The following PDE8B variants were observed in gnomAD, a reference collection of about 807,000 sequenced individuals.
PDE8B encodes phosphodiesterase 8B.
PDE8B carries 26 observed loss-of-function variants against 101.3 expected under a neutral mutation model. The observed-to-expected ratio is 0.26, with a 90% CI of 0.19 to 0.36. The LOEUF (loss-of-function observed/expected upper bound fraction) is 0.36. Ranked by LOEUF, PDE8B falls within the 10% of genes least tolerant of loss-of-function variation. The pLI is 1.00. For synonymous variants in PDE8B, 424 were observed against 429.3 expected, an observed-to-expected ratio of 0.99 and a Z score of 0.15; for missense variants, 810 against 1,163.1, an observed-to-expected ratio of 0.70 and a Z score of 4.42.
chr5:77,275,932 T>A (rs1268653281), intron 1 of PDE8B, among the ~76,000 whole-genome samples: 1 of 152,248 alleles, frequency 6.6e-6, no homozygotes, highest in Non-Finnish European at 1.5e-5. Context: ...ATATCTATAC[T>A]GTTGTGCTCT....
intron 20 of PDE8B, among the ~76,000 whole-genome samples, chr5:77,422,336 C>T (rs951039874): frequency 1.3e-5 from 2 of 152,312 alleles, no homozygotes; most frequent in Non-Finnish European, 2.9e-5. Context: ...TATGGGAACA[C>T]AGGCATTAGT....
chr5:77,402,958 T>A (rs1174160960), intron 11 of PDE8B, among the ~76,000 whole-genome samples: 1 of 152,216 alleles, frequency 6.6e-6, no homozygotes, highest in Non-Finnish European at 1.5e-5. Flanking sequence ...ATTCTTGGAA[T>A]ATGATCACTT....
At position 77,226,310 on chromosome 5, in the gene PDE8B, T is replaced by C. The variant is rs540659934; in HGVS notation, c.339+15046T>C. 4.6e-5 allele frequency among the ~76,000 whole-genome samples: 7 copies of C among 152,370 alleles called. No individual in the cohort carries two copies. In the East Asian group the frequency reaches 1.3e-3, roughly 29 times the overall value. On this transcript the variant is annotated intron_variant, in intron 1 of 21. Coordinates refer to ENST00000264917, the MANE Select transcript of PDE8B (RefSeq NM_003719.5). ...ATGCATTTCATACCATTGTTTAAAA[T>C]ACACATTAACATATGTTCTGCAGAA... is the stretch of plus-strand genomic sequence containing the variant.
At chr5:77,409,591 G>A (rs1009458932) in intron 14 of PDE8B, among the ~76,000 whole-genome samples, 1 of 152,134 alleles carries the variant, frequency 6.6e-6, no homozygotes, top group African/African-American at 2.4e-5. Context: ...ACCTCTCACT[G>A]CCACATTCCA....
the PDE8B span, among the ~76,000 whole-genome samples, chr5:77,174,408 T>C: frequency 2.4e-4 from 37 of 152,188 alleles, no homozygotes; most frequent in Non-Finnish European, 4.9e-4. Flanking sequence ...TTTCCTTTTT[T>C]TTCCATCCCC....
intron 16 of PDE8B, 84 bp from the exon 17 acceptor site, chr5:77,413,027 G>A: frequency 9.2e-7 from 1 of 1,091,516 alleles, no homozygotes; most frequent in South Asian, 1.3e-5. Flanking sequence ...GAAGAAAAAT[G>A]CTTCCATGCC....
chr5:77,274,074 G>A (rs577210102), intron 1 of PDE8B, among the ~76,000 whole-genome samples: 4 of 152,152 alleles, frequency 2.6e-5, no homozygotes, highest in East Asian at 1.9e-4. Context: ...TGCCTGCCTC[G>A]GCCTCCCAAC....
intron 5 of PDE8B, among the ~76,000 whole-genome samples, chr5:77,337,015 A>G (rs1211262467): frequency 6.6e-6 from 1 of 152,192 alleles, no homozygotes; most frequent in Non-Finnish European, 1.5e-5. Flanking sequence ...GTTATGCAGG[A>G]AGTGAAGTGT....
chr5:77,322,121 A>G (rs1270787204), intron 2 of PDE8B, among the ~76,000 whole-genome samples: 1 of 152,086 alleles, frequency 6.6e-6, no homozygotes, highest in African/African-American at 2.4e-5. Flanking sequence ...GGTCTGGGAC[A>G]TATTGGTGGT....
chr5:77,389,661 G>GC (rs2150904584), intron 10 of PDE8B, among the ~76,000 whole-genome samples: 1 of 152,100 alleles, frequency 6.6e-6, no homozygotes, highest in East Asian at 1.9e-4. Context: ...CATCCTGCTC[G>GC]CCCCCAGAGG....
chr5:77,390,711 A>G (rs937962082), intron 10 of PDE8B, among the ~76,000 whole-genome samples: 1 of 152,214 alleles, frequency 6.6e-6, no homozygotes, highest in Non-Finnish European at 1.5e-5. Flanking sequence ...GATGTCCCGC[A>G]CTAATGCAGG....
At chr5:77,362,168 G>T (rs984326568) in intron 10 of PDE8B, among the ~76,000 whole-genome samples, 1 of 152,190 alleles carries the variant, frequency 6.6e-6, no homozygotes, top group African/African-American at 2.4e-5. Flanking sequence ...GATGGGCAAG[G>T]CTATGTTCTA....
intron 6 of PDE8B, among the ~76,000 whole-genome samples, chr5:77,339,681 A>G (rs1778858593): frequency 1.3e-5 from 2 of 152,212 alleles, no homozygotes; most frequent in Non-Finnish European, 2.9e-5. Context: ...TAGTCTAATT[A>G]TATAATACTT....
At chr5:77,401,842 C>T (rs935180157) in intron 11 of PDE8B, among the ~76,000 whole-genome samples, 2 of 152,114 alleles carry the variant, frequency 1.3e-5, no homozygotes, top group East Asian at 1.9e-4. Context: ...AGAATAATTT[C>T]TCTAAACTTT....
At chr5:77,342,857 G>T (rs149301526) in intron 6 of PDE8B, among the ~76,000 whole-genome samples, 520 of 152,236 alleles carry the variant, frequency 3.4e-3, no homozygotes, top group Middle Eastern at 0.021. Context: ...CATGCCAGGG[G>T]GAATGGTTGG....
At chr5:77,414,875 G>A (rs969705050) in intron 17 of PDE8B, among the ~76,000 whole-genome samples, 13 of 152,124 alleles carry the variant, frequency 8.5e-5, no homozygotes, top group African/African-American at 2.4e-4. Context: ...TCACTCAAGC[G>A]GAACCACTCT....
chr5:77,283,136 G>C (rs1765344829), intron 1 of PDE8B, among the ~76,000 whole-genome samples: 1 of 152,102 alleles, frequency 6.6e-6, no homozygotes, highest in African/African-American at 2.4e-5. Context: ...AAGCACTGAA[G>C]TTATTTCTTT....
chr5:77,150,537 A>G, the PDE8B span, among the ~76,000 whole-genome samples: 1 of 152,198 alleles, frequency 6.6e-6, no homozygotes, highest in Non-Finnish European at 1.5e-5. Context: ...CAGTTTGTCA[A>G]GGGACAAACT....
At chr5:77,379,822 C>G (rs567114725) in intron 10 of PDE8B, among the ~76,000 whole-genome samples, 36 of 152,236 alleles carry the variant, frequency 2.4e-4, no homozygotes, top group African/African-American at 8.4e-4. Context: ...TAAAGATGAT[C>G]AAAGACGTTC....
Sources: allele counts gnomAD v4.1 joint callset (sites outside exome capture counted in the v4.1 genomes callset), GRCh38; gene constraint gnomAD v4.1.1; transcripts MANE v1.5; gene names NCBI Gene and HGNC (gene_info 2026-07-23, HGNC 2026-07-21).